The following SLC5A8 variants were observed in gnomAD, a reference collection of about 807,000 sequenced individuals.
SLC5A8 encodes the protein sodium-coupled monocarboxylate transporter 1.
SLC5A8 carries 55 observed loss-of-function variants against 71.9 expected under a neutral mutation model. The observed-to-expected ratio is 0.77, with a 90% confidence interval of 0.62 to 0.96. The LOEUF (loss-of-function observed/expected upper bound fraction) is 0.96. Among genes scored for constraint, SLC5A8 ranks in the 40% least tolerant of loss-of-function variants. The pLI is 0.00. For synonymous variants in SLC5A8, 307 were observed against 276.1 expected, an observed-to-expected ratio of 1.11 and a Z score of -1.11; for missense variants, 701 against 745.3, an observed-to-expected ratio of 0.94 and a Z score of 0.69.
intron 11 of SLC5A8, among the ~76,000 whole-genome samples, chr12:101,167,212 A>T (rs2051781777): frequency 6.6e-6 from 1 of 152,220 alleles, no homozygotes. Context: ...AAGCTTCAAC[A>T]TTCTGAGGTG....
Position 101,210,119 on chromosome 12 carries a change from G to C in SLC5A8, c.-271C>G, listed in dbSNP as rs935186346. The stretch of plus-strand genomic sequence containing the variant: ...ACCCGCTGCCCTGAGTGCTCACCAC[G>C]TGAGGAACTGGAGTGGCCGAGTTCG... On this transcript the variant is annotated 5_prime_UTR_variant, in exon 1 of 15. Coordinates refer to ENST00000536262, the MANE Select transcript of SLC5A8 (RefSeq NM_145913.5). 1 of 430,104 alleles carries C rather than the reference G, an allele frequency of 2.3e-6. No individual in the cohort carries two copies. Among genetic ancestry groups the C allele is most frequent in the African/African-American group, 2.1e-5 (1 of 48,194 alleles). The allele number at this position is 430,104 out of a possible 1,614,324, so 26.6% of individuals were successfully genotyped here. A position where few individuals can be genotyped will look rare whatever the true frequency, so the allele number is the denominator to read the frequency against.
Position 101,158,271 on chromosome 12 carries a change from G to A in SLC5A8, c.1688C>T (p.Ser563Phe). 6.3e-7 allele frequency: 1 copy of A among 1,589,566 alleles called. No individual in the cohort carries two copies. The highest frequency in any genetic ancestry group is 8.6e-7 in the Non-Finnish European group (1 of 1,164,288). ...CACTTTCTTAAAAATATCAAAATTG[G>A]ATAAAAAGTCCTCTTTGGTTAGTAT... ...RYILTKEDFL[S>F]NFDIFKKKKH... is the part of the protein sequence containing the mutation. Residue 563 changes from serine (S) to phenylalanine (F), a missense_variant, in exon 14 of 15, where the codon TCC becomes TTC. By Grantham distance (155) the Ser-to-Phe change is radical. Transcript: ENST00000536262.
intron 10 of SLC5A8, among the ~76,000 whole-genome samples, chr12:101,175,179 T>A (rs2137135546): frequency 6.6e-6 from 1 of 151,934 alleles, no homozygotes; most frequent in South Asian, 2.1e-4. Context: ...AAATTTTAAA[T>A]GAATGGGCAC....
At chr12:101,179,943 C>A in intron 10 of SLC5A8, 86 bp downstream of exon 10, 1 of 1,403,578 alleles carries the variant, frequency 7.1e-7, no homozygotes, top group East Asian at 2.3e-5. Flanking sequence ...CGATATATAT[C>A]GAGAGAAGTC....
intron 3 of SLC5A8, among the ~76,000 whole-genome samples, chr12:101,200,937 T>A (rs1417820559): frequency 6.6e-6 from 1 of 152,188 alleles, no homozygotes; most frequent in East Asian, 1.9e-4. Context: ...CACACTAAGT[T>A]CTGTGTCTAT....
intron 7 of SLC5A8, among the ~76,000 whole-genome samples, chr12:101,187,179 A>G (rs142863162): frequency 2.3e-4 from 35 of 152,142 alleles, no homozygotes; most frequent in African/African-American, 8.4e-4. Context: ...TTTTCCTGGT[A>G]TTTCCATATT....
At chr12:101,164,522 A>C (rs2051751263) in intron 12 of SLC5A8, among the ~76,000 whole-genome samples, 1 of 152,206 alleles carries the variant, frequency 6.6e-6, no homozygotes, top group Non-Finnish European at 1.5e-5. Flanking sequence ...TGGGTGGCTC[A>C]CAACCCTTGT....
At chr12:101,198,913 A>C (rs1483989006) in intron 3 of SLC5A8, among the ~76,000 whole-genome samples, 1 of 151,958 alleles carries the variant, frequency 6.6e-6, no homozygotes, top group East Asian at 1.9e-4. Context: ...GTAACTTTTC[A>C]CATTAACATT....
Position 101,157,113 on chromosome 12 carries a change from A to G in SLC5A8, c.*166T>C. ...CTAAACTCCAGAGTAACATCAATTA[A>G]TGATGTAGTAAATGAAGATAGTCCA... is the stretch of plus-strand genomic sequence containing the variant. On this transcript the variant is annotated 3_prime_UTR_variant, in exon 15 of 15. Transcript: ENST00000536262. 1.6e-6 allele frequency: 1 copy of G among 642,434 alleles called. No homozygotes were observed. The highest frequency in any genetic ancestry group is 2.5e-6 in the Non-Finnish European group (1 of 394,438). The allele number at this position is 642,434 out of a possible 1,614,324, so 39.8% of individuals were successfully genotyped here. A position where few individuals can be genotyped will look rare whatever the true frequency, so the allele number is the denominator to read the frequency against.
Position 101,195,122 on chromosome 12 carries a change from C to G in SLC5A8, c.510G>C (p.Gly170=). ...FDLWGAVVAT[G]VVCTFYCTLG... Reference sequence around the variant, plus strand: ...GTGTGCAGTAGAATGTGCAGACCACCCCCGTTGCCACTACCGCGCCCCACA... The same window carrying G: ...GTGTGCAGTAGAATGTGCAGACCACGCCCGTTGCCACTACCGCGCCCCACA... Residue 170 remains glycine, a synonymous_variant, in exon 4 of 15, where the codon GGG becomes GGC. Coordinates refer to ENST00000536262, the MANE Select transcript of SLC5A8 (RefSeq NM_145913.5). 1 of 1,614,040 alleles carries G rather than the reference C, an allele frequency of 6.2e-7. No individual in the cohort carries two copies. Among genetic ancestry groups the G allele is most frequent in the South Asian group, 1.1e-5 (1 of 91,056 alleles).
At position 101,195,921 on chromosome 12, in the gene SLC5A8, G is replaced by A. The variant is rs531640781; in HGVS notation, c.470-759C>T. On this transcript the variant is annotated intron_variant, in intron 3 of 14. Transcript: ENST00000536262. The stretch of plus-strand genomic sequence containing the variant: ...CATGTTGGACAGGATGGTCTCAATC[G>A]CCTGACTTCGTGATCCACCTGCCTT... Among the ~76,000 whole-genome samples the A allele has an allele frequency of 4.6e-5, 7 of 151,872 alleles. No homozygotes were observed. The South Asian group carries it at 1.0e-3, about 23-fold the overall frequency.
chr12:101,190,389 T>C lies in SLC5A8; in HGVS notation c.833+79A>G, dbSNP rs1868840860. ...CATGACACAAAAGACATAAAGGAGCTAAACGTGACTTATGAAAGAGTTTCC... is the reference window on the plus strand; with the variant it reads ...CATGACACAAAAGACATAAAGGAGCCAAACGTGACTTATGAAAGAGTTTCC... On this transcript the variant is annotated intron_variant, in intron 6 of 14. Transcript: ENST00000536262. 3 of 1,483,914 alleles carry C rather than the reference T, an allele frequency of 2.0e-6. No homozygotes were observed. The Admixed American group carries it at 6.5e-5, about 32-fold the overall frequency. The allele number at this position is 1,483,914 out of a possible 1,614,324, so 91.9% of individuals were successfully genotyped here.
At chr12:101,205,627 G>A (rs1219379678) in intron 1 of SLC5A8, among the ~76,000 whole-genome samples, 1 of 152,064 alleles carries the variant, frequency 6.6e-6, no homozygotes, top group Non-Finnish European at 1.5e-5. Flanking sequence ...TTTGCCCCGT[G>A]ATCATGGCTA....
chr12:101,156,391 A>G lies in SLC5A8; in HGVS notation c.*888T>C, dbSNP rs2051662315. On this transcript the variant is annotated 3_prime_UTR_variant, in exon 15 of 15. Transcript: ENST00000536262. ...TCAAGTATATGTTAGTACCAAGCTA[A>G]TGGGAGTTCATAATTTATAGTCTGG... 1 of 152,162 alleles carries G rather than the reference A, an allele frequency of 6.6e-6. No homozygotes were observed. The highest frequency in any genetic ancestry group is 2.4e-5 in the African/African-American group (1 of 41,426). The allele number at this position is 152,162 out of a possible 1,614,324, so 9.4% of individuals were successfully genotyped here.
intron 12 of SLC5A8, among the ~76,000 whole-genome samples, chr12:101,163,553 C>T (rs975165231): frequency 2.0e-5 from 3 of 152,172 alleles, no homozygotes; most frequent in Admixed American, 1.3e-4. Context: ...GTGGCACATG[C>T]CTGTAATCCC....
At chr12:101,195,564 T>C (rs1869134840) in intron 3 of SLC5A8, among the ~76,000 whole-genome samples, 1 of 152,142 alleles carries the variant, frequency 6.6e-6, no homozygotes, top group South Asian at 2.1e-4. Flanking sequence ...ACTGACAATA[T>C]AATGACAATA....
chr12:101,209,579 G>A lies in SLC5A8; in HGVS notation c.270C>T (p.Phe90=). 6 of 1,614,134 alleles carry A rather than the reference G, an allele frequency of 3.7e-6. No homozygotes were observed. Among genetic ancestry groups the A allele is most frequent in the Non-Finnish European group, 5.1e-6 (6 of 1,180,044 alleles). The change falls in exon 1 of 15, where the codon TTC becomes TTT. Residue 90 remains phenylalanine (F), a synonymous_variant. Coordinates refer to ENST00000536262, the MANE Select transcript of SLC5A8 (RefSeq NM_145913.5). ...TGATGACCACCACAAAGAAGTAGGT[G>A]AAGGCAAAGATGCTAAAAATGGCCC... is the stretch of plus-strand genomic sequence containing the variant. The part of the protein sequence containing the change: ...RFGAIFSIFA[F]TYFFVVVISA...
chr12:101,155,562 A>G lies in SLC5A8; in HGVS notation c.*1717T>C, dbSNP rs2051651860. The G allele has an allele frequency of 6.8e-6, 1 of 146,172 alleles. No homozygotes were observed. The highest frequency in any genetic ancestry group is 1.5e-5 in the Non-Finnish European group (1 of 67,372). 9.1% of individuals were successfully genotyped at this position (146,172 alleles called of 1,614,324 possible). A position where few individuals can be genotyped will look rare whatever the true frequency, so the allele number is the denominator to read the frequency against. ...AGTGCAGTGGTGTAATCATAGCTCA[A>G]TGCAGCCTTGAAATCCTGGGCTTAA... On this transcript the variant is annotated 3_prime_UTR_variant, in exon 15 of 15. Transcript: ENST00000536262.
At chr12:101,161,933 T>G (rs1314528506) in intron 13 of SLC5A8, 41 bp downstream of exon 13, 2 of 1,361,176 alleles carry the variant, frequency 1.5e-6, no homozygotes, top group East Asian at 2.3e-5. Flanking sequence ...TAAAAACTGA[T>G]ATAGAGGTAA....
Sources: gnomAD v4.1 joint callset for allele counts (sites outside exome capture counted in the v4.1 genomes callset) on GRCh38, gnomAD v4.1.1 for gene constraint, MANE v1.5 for transcripts, NCBI Gene and HGNC (gene_info 2026-07-23, HGNC 2026-07-21) for gene names.